The following FA2H variants were observed in gnomAD, a reference collection of about 807,000 sequenced individuals.
FA2H encodes fatty acid 2-hydroxylase.
Under a neutral mutation model 44.9 loss-of-function variants are expected in FA2H, and 22 were observed. The observed-to-expected ratio is 0.49, with a 90% CI of 0.35 to 0.70. The LOEUF (loss-of-function observed/expected upper bound fraction) is 0.70, where lower values mean the gene tolerates loss of function less well. Among genes scored for constraint, FA2H ranks in the 30% least tolerant of loss-of-function variants. The probability of loss-of-function intolerance (pLI) is 0.01; values close to 1 mark genes in which losing one functional copy is unlikely to be tolerated. For synonymous variants in FA2H, 243 were observed against 213.2 expected (o/e 1.14, Z -1.22); for missense variants, 501 against 504.9 (o/e 0.99, Z 0.07).
chr16:74,773,141 G>T (rs758147017), intron 1 of FA2H, among the ~76,000 whole-genome samples: 3 of 152,116 alleles, frequency 2.0e-5, no homozygotes, highest in South Asian at 4.1e-4. Flanking sequence ...CTCCCAAAGT[G>T]CTAGGATTAC....
Position 74,716,406 on chromosome 16 carries a change from G to A in FA2H, c.980C>T (p.Ser327Phe). The A allele has an allele frequency of 6.2e-7, 1 of 1,614,032 alleles. No homozygotes were observed. Among genetic ancestry groups the A allele is most frequent in the Non-Finnish European group, 8.5e-7 (1 of 1,180,000 alleles). The change falls in exon 6 of 7, where the codon TCC becomes TTC. Residue 327 changes from serine (S) to phenylalanine (F), a missense_variant. Physicochemically the swap from Ser to Phe is radical, Grantham distance 155. Transcript: ENST00000219368. ...GTGGGCCTTCAGGCTGTACAGGTAG[G>A]AGCCCTTGTGCGGCGAGCCAAAGTG... ...YLHFGSPHKG[S>F]YLYSLKAHHV...
intron 1 of FA2H, among the ~76,000 whole-genome samples, chr16:74,762,333 G>A (rs12918755): frequency 0.073 from 11,107 of 152,184 alleles, 660 homozygotes; most frequent in East Asian, 0.33. Flanking sequence ...GTGAGCCACC[G>A]TGCCCGGCCC....
At chr16:74,744,600 C>G (rs1357898497) in intron 1 of FA2H, among the ~76,000 whole-genome samples, 1 of 151,950 alleles carries the variant, frequency 6.6e-6, no homozygotes, top group Non-Finnish European at 1.5e-5. Context: ...GATGGGTGTT[C>G]ACCATCATGC....
At chr16:74,743,669 C>G (rs1415609227) in intron 1 of FA2H, among the ~76,000 whole-genome samples, 1 of 152,194 alleles carries the variant, frequency 6.6e-6, no homozygotes, top group Non-Finnish European at 1.5e-5. Context: ...TCTTTCTATC[C>G]TCCTTCCTGC....
At chr16:74,727,115 C>A in intron 3 of FA2H, 129 bp downstream of exon 3, 1 of 1,282,692 alleles carries the variant, frequency 7.8e-7, no homozygotes, top group East Asian at 2.4e-5. Flanking sequence ...CATGTTCCTC[C>A]CTCCCTGACA....
intron 3 of FA2H, 59 bp from the exon 4 acceptor site, chr16:74,726,390 CT>C: frequency 9.4e-7 from 1 of 1,060,318 alleles, no homozygotes; most frequent in South Asian, 1.3e-5. Context: ...CAGAGTACAG[CT>C]TTCTTTTTTT....
chr16:74,759,839 C>T (rs566625181), intron 1 of FA2H, among the ~76,000 whole-genome samples: 569 of 152,272 alleles, frequency 3.7e-3, no homozygotes, highest in Non-Finnish European at 6.9e-3. Flanking sequence ...GCAGCCACCT[C>T]CTAGGGGTCC....
intron 2 of FA2H, among the ~76,000 whole-genome samples, chr16:74,733,587 G>A (rs183218416): frequency 3.7e-4 from 56 of 152,336 alleles, no homozygotes; most frequent in Non-Finnish European, 5.6e-4. Flanking sequence ...CACTGAAGGA[G>A]AAAGGCTCAG....
In FA2H at chr16:74,719,722, A is replaced by T. The variant is rs555015383; in HGVS notation, c.614-562T>A. On this transcript the variant is annotated intron_variant, in intron 4 of 6. Transcript: ENST00000219368. Reference sequence around the variant, plus strand: ...CCAGCTAATTTTAAATTTATTTTTTATTTTTATTTTTTTTGTAGAGACGAG... The same window carrying T: ...CCAGCTAATTTTAAATTTATTTTTTTTTTTTATTTTTTTTGTAGAGACGAG... Among the ~76,000 whole-genome samples, 17 of 152,042 alleles carry T rather than the reference A, an allele frequency of 1.1e-4. No homozygotes were observed. In the South Asian group the frequency reaches 3.3e-3, roughly 30 times the overall value.
intron 4 of FA2H, among the ~76,000 whole-genome samples, chr16:74,724,663 C>A (rs370917198): frequency 6.6e-6 from 1 of 152,316 alleles, no homozygotes; most frequent in East Asian, 1.9e-4. Context: ...GAGACGTTAT[C>A]TCTCATGCCC....
intron 1 of FA2H, among the ~76,000 whole-genome samples, chr16:74,754,890 A>G (rs1443573273): frequency 2.0e-5 from 3 of 152,112 alleles, no homozygotes; most frequent in Admixed American, 6.6e-5. Flanking sequence ...GGTGGGTTCT[A>G]ACTTCAGTAT....
Position 74,716,339 on chromosome 16 carries a change from A to G in FA2H, c.1039+8T>C, listed in dbSNP as rs6564160. 67,061 of 1,613,220 alleles carry G rather than the reference A, an allele frequency of 0.042. 3,509 individuals carry two copies. The highest frequency in any genetic ancestry group is 0.26 in the African/African-American group (19,542 of 74,794). On this transcript the variant is annotated splice_region_variant and intron_variant, in intron 6 of 6. Transcript: ENST00000219368. ...ATAGGGGGCTGGGAAGCACAGGCCC[A>G]TCCTCACCTGACTTCTGATGTGCAA...
intron 1 of FA2H, among the ~76,000 whole-genome samples, chr16:74,759,031 T>G (rs1962661335): frequency 6.6e-6 from 1 of 152,198 alleles, no homozygotes; most frequent in African/African-American, 2.4e-5. Context: ...CCTTATCAGG[T>G]CACGTCCCAC....
chr16:74,715,098 C>G (rs1023733688), intron 6 of FA2H, among the ~76,000 whole-genome samples: 1 of 151,956 alleles, frequency 6.6e-6, no homozygotes, highest in African/African-American at 2.4e-5. Flanking sequence ...TCGGCCTCCT[C>G]AAGTGTGTTA....
At chr16:74,774,425 C>T in intron 1 of FA2H, 61 bp downstream of exon 1, 1 of 1,444,328 alleles carries the variant, frequency 6.9e-7, no homozygotes, top group South Asian at 1.5e-5. Context: ...ACGGGGCTCG[C>T]CCGGGAGTGG....
At chr16:74,723,277 A>G (rs1397971645) in intron 4 of FA2H, among the ~76,000 whole-genome samples, 2 of 152,024 alleles carry the variant, frequency 1.3e-5, no homozygotes, top group Non-Finnish European at 2.9e-5. Context: ...CTGCCGCCAC[A>G]CTTGGCTTTT....
At chr16:74,719,194 G>A (rs768292367) in intron 4 of FA2H, 34 bp from the exon 5 acceptor site, 14 of 1,593,444 alleles carry the variant, frequency 8.8e-6, no homozygotes, top group African/African-American at 2.7e-5. Context: ...GGTGAGGACC[G>A]GTGCATAGCA....
intron 4 of FA2H, among the ~76,000 whole-genome samples, chr16:74,719,495 C>CGA (rs779327894): frequency 3.9e-5 from 6 of 152,072 alleles, no homozygotes; most frequent in African/African-American, 4.8e-5. Context: ...GAAGAGAAGG[C>CGA]GACACTCCTG....
chr16:74,718,127 C>T (rs1484518245), intron 5 of FA2H, among the ~76,000 whole-genome samples: 1 of 152,192 alleles, frequency 6.6e-6, no homozygotes, highest in African/African-American at 2.4e-5. Context: ...CTGTCCCAGG[C>T]GGCCGATCAA....
Sources: gnomAD v4.1 joint callset for allele counts (sites outside exome capture counted in the v4.1 genomes callset) on GRCh38, gnomAD v4.1.1 for gene constraint, MANE v1.5 for transcripts, NCBI Gene and HGNC (gene_info 2026-07-23, HGNC 2026-07-21) for gene names.